BCL2L14: variants seen among roughly 807,000 people sequenced by gnomAD.
BCL2L14 encodes BCL2 like 14, also known as apoptosis facilitator Bcl-2-like protein 14.
BCL2L14 carries 27 observed loss-of-function variants against 35.3 expected under a neutral mutation model. That is an observed-to-expected ratio of 0.76 (90% CI 0.56 to 1.05). The LOEUF is 1.05. Ranked by LOEUF, BCL2L14 falls within the 50% of genes least tolerant of loss-of-function variation. The probability of loss-of-function intolerance (pLI) is 0.00; values close to 1 mark genes in which losing one functional copy is unlikely to be tolerated. For synonymous variants in BCL2L14, 139 were observed against 145.9 expected (o/e 0.95, Z 0.34); for missense variants, 377 against 382.6 (o/e 0.99, Z 0.12).
chr12:12,058,594 A>AC (rs1426342589), intron 2 of BCL2L14, among the ~76,000 whole-genome samples: 1 of 149,048 alleles, frequency 6.7e-6, no homozygotes, highest in Non-Finnish European at 1.5e-5. Context: ...GTACCTTGTG[A>AC]CCCCCACTCC....
Position 12,079,279 on chromosome 12 carries a change from T to G in BCL2L14, c.-7-20T>G, listed in dbSNP as rs747924373. The G allele has an allele frequency of 6.2e-7, 1 of 1,602,100 alleles. No homozygotes were observed. The highest frequency in any genetic ancestry group is 8.5e-7 in the Non-Finnish European group (1 of 1,173,590). ...AGTGGCCCTGCATAGAAGGGCACAG[T>G]GTGGACTTTGTTGTTACAGGCCCAA... On this transcript the variant is annotated intron_variant, in intron 1 of 5. Coordinates refer to ENST00000308721, the MANE Select transcript of BCL2L14 (RefSeq NM_138723.2).
chr12:12,072,102 T>A (rs1284845100), intron 1 of BCL2L14: 4 of 152,324 alleles, frequency 2.6e-5, no homozygotes, highest in African/African-American at 9.6e-5. Flanking sequence ...CCCTCACCGC[T>A]GGGACAGGCA....
chr12:12,063,900 G>A (rs1048325208), intron 2 of BCL2L14, among the ~76,000 whole-genome samples: 7 of 150,880 alleles, frequency 4.6e-5, no homozygotes, highest in Admixed American at 1.3e-4. Flanking sequence ...ACCCCCACTC[G>A]TGCCCGCCAG....
rs376249836 is a variant in BCL2L14, at chr12:12,087,465, C to A, written c.607+79C>A. 4 of 1,485,682 alleles carry A rather than the reference C, an allele frequency of 2.7e-6. No individual in the cohort carries two copies. In the Admixed American group the frequency reaches 5.5e-5, roughly 21 times the overall value. The allele number at this position is 1,485,682 out of a possible 1,614,324, so 92.0% of individuals were successfully genotyped here. On this transcript the variant is annotated intron_variant, in intron 3 of 5. Transcript: ENST00000308721. ...TTGTGTATTTATCCATCCCAGGGCT[C>A]GGCAACTTGACAGTCTCCGCTGCCT... is the stretch of plus-strand genomic sequence containing the variant.
chr12:12,091,502 G>A (rs1014040215), intron 4 of BCL2L14, among the ~76,000 whole-genome samples: 2 of 152,222 alleles, frequency 1.3e-5, no homozygotes, highest in Admixed American at 6.5e-5. Flanking sequence ...ACAGACGACT[G>A]AGTAGTCTCT....
intron 3 of BCL2L14, among the ~76,000 whole-genome samples, chr12:12,088,231 C>T (rs1384862308): frequency 6.6e-6 from 1 of 152,196 alleles, no homozygotes; most frequent in East Asian, 1.9e-4. Context: ...CCAAATGTGA[C>T]TTCTGGCCTG....
At chr12:12,051,139 G>T (rs971533401) in intron 1 of BCL2L14, among the ~76,000 whole-genome samples, 2 of 152,196 alleles carry the variant, frequency 1.3e-5, no homozygotes, top group African/African-American at 4.8e-5. Flanking sequence ...AGTGAGCAGG[G>T]TGTATAAGAG....
intron 2 of BCL2L14, among the ~76,000 whole-genome samples, chr12:12,057,788 C>T (rs1237000918): frequency 7.0e-6 from 1 of 142,790 alleles, no homozygotes; most frequent in Non-Finnish European, 1.5e-5. Context: ...AGAACATCAA[C>T]AAACTGGGCT....
upstream of BCL2L14, among the ~76,000 whole-genome samples, chr12:12,066,806 G>T (rs1948599984): frequency 6.6e-6 from 1 of 151,536 alleles, no homozygotes; most frequent in Admixed American, 6.6e-5. Flanking sequence ...CGCCTCCCGG[G>T]TTCACGCCAT....
intron 2 of BCL2L14, among the ~76,000 whole-genome samples, chr12:12,080,438 G>A (rs1003257834): frequency 2.0e-5 from 3 of 150,966 alleles, no homozygotes; most frequent in Middle Eastern, 3.2e-3. Context: ...GGCCAACATA[G>A]TGAAAACCCG....
chr12:12,052,064 G>T (rs539491897), intron 2 of BCL2L14, among the ~76,000 whole-genome samples: 1 of 152,046 alleles, frequency 6.6e-6, no homozygotes, highest in South Asian at 2.1e-4. Context: ...CTTTTTTGAG[G>T]TTTTTTTCTT....
chr12:12,053,866 T>G (rs980962397), intron 2 of BCL2L14, among the ~76,000 whole-genome samples: 2 of 152,196 alleles, frequency 1.3e-5, no homozygotes, highest in African/African-American at 2.4e-5. Flanking sequence ...AAGCCAGGTC[T>G]CTCCCATTCT....
chr12:12,075,104 GTTTCT>G (rs1948751333), intron 1 of BCL2L14, among the ~76,000 whole-genome samples: 1 of 151,368 alleles, frequency 6.6e-6, no homozygotes, highest in African/African-American at 2.4e-5. Context: ...TTTTTAATAT[GTTTCT>G]TTTTTTTCTT....
intron 2 of BCL2L14, among the ~76,000 whole-genome samples, chr12:12,080,982 A>C (rs1948909540): frequency 6.6e-6 from 1 of 152,154 alleles, no homozygotes; most frequent in African/African-American, 2.4e-5. Flanking sequence ...TCAGGAGTTC[A>C]AGACCAGCCT....
At chr12:12,083,627 G>A (rs1031349335) in intron 2 of BCL2L14, among the ~76,000 whole-genome samples, 1 of 152,120 alleles carries the variant, frequency 6.6e-6, no homozygotes, top group Non-Finnish European at 1.5e-5. Flanking sequence ...GGCATGATAT[G>A]ACAGCTCCAC....
chr12:12,089,532 C>A (rs1013001307), intron 3 of BCL2L14, among the ~76,000 whole-genome samples: 1 of 152,014 alleles, frequency 6.6e-6, no homozygotes, highest in Non-Finnish European at 1.5e-5. Context: ...CCTATCTCTA[C>A]TAAAAATACA....
intron 3 of BCL2L14, 118 bp downstream of exon 3, chr12:12,087,504 G>C: frequency 8.7e-7 from 1 of 1,143,530 alleles, no homozygotes; most frequent in Non-Finnish European, 1.2e-6. Flanking sequence ...CTGAGGGCTT[G>C]ACAGCCACAG....
At chr12:12,083,588 T>C (rs73066100) in intron 2 of BCL2L14, among the ~76,000 whole-genome samples, 8,285 of 152,234 alleles carry the variant, frequency 0.054, 339 homozygotes, top group East Asian at 0.12. Flanking sequence ...TTTCTCTCCT[T>C]TAAAAGAGGA....
At chr12:12,077,092 G>A (rs1352731647) in intron 1 of BCL2L14, among the ~76,000 whole-genome samples, 9 of 152,080 alleles carry the variant, frequency 5.9e-5, no homozygotes, top group Non-Finnish European at 8.8e-5. Context: ...TTTGGTCCTG[G>A]TATGACAAGG....
Sources: gnomAD v4.1 joint callset for allele counts (sites outside exome capture counted in the v4.1 genomes callset) on GRCh38, gnomAD v4.1.1 for gene constraint, MANE v1.5 for transcripts, NCBI Gene and HGNC (gene_info 2026-07-23, HGNC 2026-07-21) for gene names.